The following RPH3A variants were observed in gnomAD, a reference collection of about 807,000 sequenced individuals.
RPH3A encodes rabphilin 3A, also known as rabphilin-3A.
In RPH3A, 48 loss-of-function variants were observed where a neutral mutation model predicts 102.2. That is an observed-to-expected ratio of 0.47 (90% CI 0.37 to 0.60). The LOEUF (loss-of-function observed/expected upper bound fraction) is 0.60, where lower values mean the gene tolerates loss of function less well. Among genes scored for constraint, RPH3A ranks in the 20% least tolerant of loss-of-function variants. The probability of loss-of-function intolerance (pLI) is 0.00; values close to 1 mark genes in which losing one functional copy is unlikely to be tolerated. For synonymous variants in RPH3A, 310 were observed against 324.3 expected (o/e 0.96, Z 0.47); for missense variants, 781 against 910.1 (o/e 0.86, Z 1.83).
chr12:112,619,246 CTGTGTGTGTGTGTGTGTGTGTGTG>C lies in RPH3A; in HGVS notation c.-140+43957_-140+43980del, dbSNP rs60894997. Reference sequence around the variant, plus strand: ...GGAATGGAATTGCCTTATGGTAATTCTGTGTGTGTGTGTGTGTGTGTGTGTGTGTGTGTGTGTGTGTGTGTGTGT... The same window carrying C: ...GGAATGGAATTGCCTTATGGTAATTCTGTGTGTGTGTGTGTGTGTGTGTGT... On this transcript the variant is annotated intron_variant, in intron 1 of 21. Coordinates refer to the RPH3A transcript ENST00000543106. 1.2e-3 allele frequency among the ~76,000 whole-genome samples: 151 copies of C among 125,448 alleles called. 2 individuals are homozygous for C. The highest frequency in any genetic ancestry group is 2.5e-4 in the East Asian group (1 of 4,020). 82.3% of individuals were successfully genotyped at this position (125,448 alleles called of 152,430 possible).
At chr12:112,659,491 G>A (rs2040035363) in intron 1 of RPH3A, among the ~76,000 whole-genome samples, 2 of 152,148 alleles carry the variant, frequency 1.3e-5, no homozygotes, top group Non-Finnish European at 2.9e-5. Context: ...AGGGATGCTG[G>A]TTTCTCCTTG....
At chr12:112,724,123 C>T (rs895668393) in intron 1 of RPH3A, among the ~76,000 whole-genome samples, 7 of 143,388 alleles carry the variant, frequency 4.9e-5, no homozygotes, top group Admixed American at 1.5e-4. Context: ...GTGGTGCAAT[C>T]GTGGCTCACT....
rs539489961 is a variant in RPH3A at position 112,754,198 on chromosome 12, A to T, written c.-139-37945A>T. 2.4e-4 allele frequency among the ~76,000 whole-genome samples: 36 copies of T among 152,326 alleles called. No homozygotes were observed. In the South Asian group the frequency reaches 7.3e-3, roughly 31 times the overall value. On this transcript the variant is annotated intron_variant, in intron 1 of 21. Coordinates refer to the RPH3A transcript ENST00000543106. ...AGGAAATTAATTCAGCAGCCTGTCCACTTACTGCTGTGTGATTCTAGACAC... is the reference window on the plus strand; with the variant it reads ...AGGAAATTAATTCAGCAGCCTGTCCTCTTACTGCTGTGTGATTCTAGACAC...
rs2042089391 is a variant in RPH3A at position 112,838,366 on chromosome 12, G to A, written c.83+1864G>A. Among the ~76,000 whole-genome samples the A allele has an allele frequency of 1.3e-5, 2 of 152,362 alleles. 1 individual carries two copies. Among genetic ancestry groups the A allele is most frequent in the South Asian group, 4.1e-4 (2 of 4,832 alleles). On this transcript the variant is annotated intron_variant, in intron 4 of 21. Transcript: ENST00000389385. Reference sequence around the variant, plus strand: ...CCCGTTGGCATTCTGAGGATGTGGGGGACCCACAGCATCCCTTCTGCACTC... The same window carrying A: ...CCCGTTGGCATTCTGAGGATGTGGGAGACCCACAGCATCCCTTCTGCACTC...
At position 112,797,646 on chromosome 12, in the gene RPH3A, A is replaced by G. The variant is rs2041258942; in HGVS notation, c.-19+5383A>G. Reference sequence around the variant, plus strand: ...TAATAATCAGCTGTCCAGCCAGGCTAGGTCTTTGGGATTTGCAGGCGGTGG... The same window carrying G: ...TAATAATCAGCTGTCCAGCCAGGCTGGGTCTTTGGGATTTGCAGGCGGTGG... On this transcript the variant is annotated intron_variant, in intron 2 of 21. Coordinates refer to ENST00000389385, the MANE Select transcript of RPH3A (RefSeq NM_001143854.2). Among the ~76,000 whole-genome samples the G allele has an allele frequency of 2.6e-5, 4 of 151,984 alleles. No homozygotes were observed. In the South Asian group the frequency reaches 8.3e-4, roughly 32 times the overall value.
chr12:112,679,853 A>C (rs937664492), intron 1 of RPH3A, among the ~76,000 whole-genome samples: 3 of 152,260 alleles, frequency 2.0e-5, no homozygotes, highest in African/African-American at 4.8e-5. Flanking sequence ...ACCCATGGGA[A>C]CAAACAAGTA....
chr12:112,774,728 G>A (rs537059463), intron 1 of RPH3A, among the ~76,000 whole-genome samples: 2 of 151,892 alleles, frequency 1.3e-5, no homozygotes, highest in Admixed American at 6.6e-5. Flanking sequence ...GCTGAACAAC[G>A]AGAACACATG....
rs914481046 is a variant in RPH3A, at chr12:112,821,753, G to T, written c.-18-6548G>T. 1.3e-5 allele frequency among the ~76,000 whole-genome samples: 2 copies of T among 152,068 alleles called. 1 individual carries two copies. The highest frequency in any genetic ancestry group is 4.8e-5 in the African/African-American group (2 of 41,398). ...TTAATATTCTACTTGTTTGCTTATTGTCAGTCTTCCCTACTAGAAGGTATG... is the reference window on the plus strand; with the variant it reads ...TTAATATTCTACTTGTTTGCTTATTTTCAGTCTTCCCTACTAGAAGGTATG... On this transcript the variant is annotated intron_variant, in intron 2 of 21. Transcript: ENST00000389385.
rs759168959 is a variant in RPH3A, at chr12:112,868,547, G to A, written c.562G>A (p.Glu188Lys). 6.2e-7 allele frequency: 1 copy of A among 1,614,144 alleles called. No homozygotes were observed. The change falls in exon 8 of 22, where the codon GAA becomes AAA. Residue 188 changes from glutamate (E) to lysine (K), a missense_variant. Glu to Lys is a moderately conservative substitution (Grantham distance 56). Transcript: ENST00000389385. ...QQPVSEPAAP[E>K]QPAPEPKHPA... is the part of the protein sequence containing the mutation. Reference sequence around the variant, plus strand: ...GCCTGTCAGTGAGCCTGCTGCCCCTGAACAGCCTGCTCCTGAGCCCAAGCA... The same window carrying A: ...GCCTGTCAGTGAGCCTGCTGCCCCTAAACAGCCTGCTCCTGAGCCCAAGCA...
chr12:112,862,989 GC>G (rs1329331472), intron 5 of RPH3A, among the ~76,000 whole-genome samples: 1 of 152,194 alleles, frequency 6.6e-6, no homozygotes, highest in Non-Finnish European at 1.5e-5. Context: ...GTGGGGTCCA[GC>G]TCTATCTGGG....
intron 1 of RPH3A, among the ~76,000 whole-genome samples, chr12:112,691,031 C>CT (rs796633875): frequency 2.3e-3 from 335 of 147,402 alleles, no homozygotes; most frequent in African/African-American, 5.3e-3. Flanking sequence ...TCATGACCAT[C>CT]TTTTTTTTTT....
At chr12:112,805,321 T>C (rs1017288395) in intron 2 of RPH3A, among the ~76,000 whole-genome samples, 4 of 118,440 alleles carry the variant, frequency 3.4e-5, no homozygotes, top group African/African-American at 1.3e-4. Context: ...TCTTCTGGGA[T>C]TTTTTTTTTA....
At chr12:112,602,560 A>G (rs541882997) in intron 1 of RPH3A, among the ~76,000 whole-genome samples, 52 of 152,202 alleles carry the variant, frequency 3.4e-4, no homozygotes, top group Non-Finnish European at 6.5e-4. Flanking sequence ...AAGACAAGTC[A>G]TGGTATGTGT....
intron 1 of RPH3A, among the ~76,000 whole-genome samples, chr12:112,660,621 G>T (rs1202801346): frequency 6.6e-6 from 1 of 152,124 alleles, no homozygotes; most frequent in Non-Finnish European, 1.5e-5. Context: ...GCAGTTTGAG[G>T]CTATACTGAG....
At chr12:112,592,671 G>A (rs774955475) in intron 1 of RPH3A, among the ~76,000 whole-genome samples, 11 of 152,088 alleles carry the variant, frequency 7.2e-5, no homozygotes, top group South Asian at 2.1e-4. Flanking sequence ...GGTTGAATCC[G>A]TGGATGCAGA....
At chr12:112,706,034 G>A (rs929005227) in intron 1 of RPH3A, among the ~76,000 whole-genome samples, 1 of 152,192 alleles carries the variant, frequency 6.6e-6, no homozygotes. Context: ...ATAAATGTAT[G>A]CATTTCCTGA....
chr12:112,588,668 G>A (rs1220498210), intron 1 of RPH3A, among the ~76,000 whole-genome samples: 1 of 152,142 alleles, frequency 6.6e-6, no homozygotes, highest in Non-Finnish European at 1.5e-5. Context: ...CTCCTGCCTC[G>A]CTCTTTCTCT....
chr12:112,682,043 A>G (rs1046206902), intron 1 of RPH3A, among the ~76,000 whole-genome samples: 2 of 152,246 alleles, frequency 1.3e-5, no homozygotes, highest in African/African-American at 4.8e-5. Flanking sequence ...ATAAGCCTGT[A>G]AGTTTCAGTG....
At chr12:112,655,379 G>C (rs1447331339) in intron 1 of RPH3A, among the ~76,000 whole-genome samples, 3 of 152,078 alleles carry the variant, frequency 2.0e-5, no homozygotes, top group Admixed American at 1.3e-4. Context: ...AAACCACCCA[G>C]TGCTAGCAGT....
Sources: gnomAD v4.1 joint callset for allele counts (sites outside exome capture counted in the v4.1 genomes callset) on GRCh38, gnomAD v4.1.1 for gene constraint, MANE v1.5 for transcripts, NCBI Gene and HGNC (gene_info 2026-07-23, HGNC 2026-07-21) for gene names.